CAMK2B: variants seen among roughly 807,000 people sequenced by gnomAD.
The protein encoded by CAMK2B is calcium/calmodulin dependent protein kinase II beta, also known as calcium/calmodulin-dependent protein kinase type II subunit beta.
In CAMK2B, 27 loss-of-function variants were observed where a neutral mutation model predicts 93.7. The observed-to-expected ratio is 0.29, with a 90% CI of 0.21 to 0.40. CAMK2B has a LOEUF of 0.40. Among genes scored for constraint, CAMK2B ranks in the 10% least tolerant of loss-of-function variants. CAMK2B has a pLI of 1.00. For missense variants in CAMK2B, 568 were observed against 895.8 expected, an observed-to-expected ratio of 0.63 and a Z score of 4.67; for synonymous variants, 374 against 358.8, an observed-to-expected ratio of 1.04 and a Z score of -0.48.
chr7:44,272,077 C>A (rs988761026), intron 2 of CAMK2B, among the ~76,000 whole-genome samples: 8 of 152,152 alleles, frequency 5.3e-5, no homozygotes, highest in Non-Finnish European at 1.2e-4. Flanking sequence ...TCGGGAGCAG[C>A]CCCCTCTTCA....
chr7:44,287,071 T>C (rs1785331438), intron 1 of CAMK2B, among the ~76,000 whole-genome samples: 1 of 151,984 alleles, frequency 6.6e-6, no homozygotes, highest in African/African-American at 2.4e-5. Context: ...AGGGTCCCCT[T>C]TCCCAGCGAC....
chr7:44,274,586 T>C (rs2097013863), intron 2 of CAMK2B, among the ~76,000 whole-genome samples: 1 of 152,050 alleles, frequency 6.6e-6, no homozygotes, highest in Non-Finnish European at 1.5e-5. Context: ...TCACTACCAC[T>C]CCCCAACCAG....
chr7:44,303,579 T>C (rs549617811), intron 1 of CAMK2B, among the ~76,000 whole-genome samples: 24 of 152,322 alleles, frequency 1.6e-4, no homozygotes, highest in Admixed American at 1.5e-3. Flanking sequence ...ACACAGATCT[T>C]ACACCTTTCA....
Position 44,263,202 on chromosome 7 carries a change from A to C in CAMK2B, c.161-138T>G, listed in dbSNP as rs546566915. 1.1e-4 allele frequency: 77 copies of C among 711,182 alleles called. 2 individuals are homozygous for C. In the East Asian group the frequency reaches 1.2e-3, roughly 11 times the overall value. 44.1% of individuals were successfully genotyped at this position (711,182 alleles called of 1,614,324 possible). ...GTGGTTGTGCCCCCACCAAGGGAAC[A>C]CCCTTCGTGGCACCCCCTGGGCCAC... On this transcript the variant is annotated intron_variant, in intron 2 of 23. Transcript: ENST00000395749.
At chr7:44,245,725 T>C (rs993803838) in intron 6 of CAMK2B, among the ~76,000 whole-genome samples, 5 of 151,914 alleles carry the variant, frequency 3.3e-5, no homozygotes, top group Non-Finnish European at 7.4e-5. Context: ...GTAAAGGGTA[T>C]AGGAGAGGGT....
At chr7:44,302,611 A>T (rs756665831) in intron 1 of CAMK2B, among the ~76,000 whole-genome samples, 4 of 152,196 alleles carry the variant, frequency 2.6e-5, no homozygotes, top group Non-Finnish European at 4.4e-5. Context: ...TTCAAAAATT[A>T]ATTATTATAA....
At chr7:44,320,908 T>C (rs1427049621) in intron 1 of CAMK2B, among the ~76,000 whole-genome samples, 1 of 151,594 alleles carries the variant, frequency 6.6e-6, no homozygotes, top group African/African-American at 2.4e-5. Flanking sequence ...GTCCAGCACA[T>C]CAGATGGGGC....
At chr7:44,314,218 A>T (rs552608747) in intron 1 of CAMK2B, among the ~76,000 whole-genome samples, 1 of 152,338 alleles carries the variant, frequency 6.6e-6, no homozygotes, top group African/African-American at 2.4e-5. Flanking sequence ...TATATCCATT[A>T]CCACAATCTA....
intron 1 of CAMK2B, among the ~76,000 whole-genome samples, chr7:44,301,142 T>A (rs1386365541): frequency 6.6e-6 from 1 of 152,206 alleles, no homozygotes; most frequent in Non-Finnish European, 1.5e-5. Context: ...TTATTTATTT[T>A]TTAGGGACAA....
chr7:44,222,621 T>C (rs1254453424), intron 20 of CAMK2B, among the ~76,000 whole-genome samples: 1 of 152,018 alleles, frequency 6.6e-6, no homozygotes, highest in African/African-American at 2.4e-5. Context: ...TGTGTATATT[T>C]TTAGTGGAGA....
At chr7:44,228,658 C>G in intron 19 of CAMK2B, 138 bp downstream of exon 19, 1 of 786,096 alleles carries the variant, frequency 1.3e-6, no homozygotes, top group Non-Finnish European at 1.8e-6. Context: ...CAGGAAGCCC[C>G]GCCAGGGCAG....
At chr7:44,236,012 G>C (rs192975744) in intron 13 of CAMK2B, among the ~76,000 whole-genome samples, 128 of 150,664 alleles carry the variant, frequency 8.5e-4, no homozygotes, top group African/African-American at 3.0e-3. Context: ...CAGCAGAATC[G>C]CCCTGTACAG....
chr7:44,309,989 T>G (rs1324177779), intron 1 of CAMK2B, among the ~76,000 whole-genome samples: 1 of 152,178 alleles, frequency 6.6e-6, no homozygotes, highest in Non-Finnish European at 1.5e-5. Context: ...GAAGAGCCTT[T>G]CCGCCGGCTG....
intron 9 of CAMK2B, 64 bp downstream of exon 9, chr7:44,242,496 C>T (rs984859505): frequency 4.3e-5 from 65 of 1,515,418 alleles, no homozygotes; most frequent in African/African-American, 9.6e-5. Context: ...CCTCTTCCCA[C>T]GCTGCCCTCA....
At chr7:44,270,072 G>A (rs1475412899) in intron 2 of CAMK2B, among the ~76,000 whole-genome samples, 6 of 149,688 alleles carry the variant, frequency 4.0e-5, no homozygotes, top group Admixed American at 3.3e-4. Flanking sequence ...GCTCAAGAAC[G>A]TACCCCCCCC....
At position 44,243,468 on chromosome 7, in the gene CAMK2B, G is replaced by A. The variant is rs1367462372; in HGVS notation, c.474C>T (p.Phe158=). 7 of 1,613,952 alleles carry A rather than the reference G, an allele frequency of 4.3e-6. No homozygotes were observed. The highest frequency in any genetic ancestry group is 1.7e-5 in the Admixed American group (1 of 60,000). Residue 158 remains phenylalanine, a synonymous_variant, in exon 7 of 24, where the codon TTC becomes TTT. Coordinates refer to ENST00000395749, the MANE Select transcript of CAMK2B (RefSeq NM_001220.5). Reference sequence around the variant, plus strand: ...CCCCCTGCACCTCGATAGCTAGGCCGAAGTCTGCCAGCTTCACTGCAGCCC... The same window carrying A: ...CCCCCTGCACCTCGATAGCTAGGCCAAAGTCTGCCAGCTTCACTGCAGCCC... ...CKGAAVKLAD[F]GLAIEVQGDQ... is the part of the protein sequence containing the mutation.
chr7:44,292,218 G>A (rs1271034483), intron 1 of CAMK2B, among the ~76,000 whole-genome samples: 1 of 152,002 alleles, frequency 6.6e-6, no homozygotes, highest in African/African-American at 2.4e-5. Context: ...CAGTTACATG[G>A]CATTCTCTCT....
chr7:44,234,556 T>C (rs2096608059), intron 14 of CAMK2B, 83 bp downstream of exon 14: 1 of 1,595,540 alleles, frequency 6.3e-7, no homozygotes, highest in Non-Finnish European at 8.6e-7. Context: ...GGAGGGGGAC[T>C]CCAGAGCAGG....
chr7:44,229,595 A>C, intron 17 of CAMK2B, 94 bp from the exon 18 acceptor site: 4 of 163,732 alleles, frequency 2.4e-5, no homozygotes, highest in Non-Finnish European at 2.3e-5. Flanking sequence ...GGAGGGAGGG[A>C]GGGGGTGACA....
Sources: allele counts gnomAD v4.1 joint callset (sites outside exome capture counted in the v4.1 genomes callset), GRCh38; gene constraint gnomAD v4.1.1; transcripts MANE v1.5; gene names NCBI Gene and HGNC (gene_info 2026-07-23, HGNC 2026-07-21).